Variants in TIAM1 observed in about 807,000 individuals in gnomAD.
TIAM1 encodes the protein TIAM Rac1 associated GEF 1.
Under a neutral mutation model 163.5 loss-of-function variants are expected in TIAM1, and 65 were observed. The observed-to-expected ratio is 0.40, with a 90% CI of 0.33 to 0.49. TIAM1 has a LOEUF of 0.49. TIAM1 is among the 20% of genes least tolerant of loss of function. The pLI, the probability that TIAM1 is intolerant of heterozygous loss-of-function variation, is 0.77. For missense variants in TIAM1, 1,789 were observed against 2,044.7 expected, an observed-to-expected ratio of 0.87 and a Z score of 2.41; for synonymous variants, 833 against 810.1, an observed-to-expected ratio of 1.03 and a Z score of -0.48.
At chr21:31,313,913 A>G (rs2075018729) in intron 2 of TIAM1, among the ~76,000 whole-genome samples, 1 of 152,208 alleles carries the variant, frequency 6.6e-6, no homozygotes, top group African/African-American at 2.4e-5. Context: ...TGCTTTTGAA[A>G]CAAGGCCAGA....
At chr21:31,311,863 A>T (rs1008781923) in intron 2 of TIAM1, among the ~76,000 whole-genome samples, 2 of 152,206 alleles carry the variant, frequency 1.3e-5, no homozygotes, top group African/African-American at 4.8e-5. Context: ...CCCACCCTCA[A>T]TCTGGGTGGG....
chr21:31,450,382 G>A (rs1180631531), intron 2 of TIAM1, among the ~76,000 whole-genome samples: 2 of 152,166 alleles, frequency 1.3e-5, no homozygotes, highest in African/African-American at 2.4e-5. Context: ...AGCTCCTCCT[G>A]TAGCTCTATT....
intron 16 of TIAM1, among the ~76,000 whole-genome samples, chr21:31,158,688 T>G (rs1365472374): frequency 6.6e-6 from 1 of 152,058 alleles, no homozygotes; most frequent in Non-Finnish European, 1.5e-5. Context: ...CCCCCCAAAT[T>G]TTTTTTGGAA....
chr21:31,495,958 T>C (rs2046625946), intron 1 of TIAM1, among the ~76,000 whole-genome samples: 1 of 150,086 alleles, frequency 6.7e-6, no homozygotes, highest in South Asian at 2.1e-4. Flanking sequence ...AGTGACAGAG[T>C]GAGGGTCTCA....
intron 1 of TIAM1, among the ~76,000 whole-genome samples, chr21:31,547,991 A>G (rs1448732960): frequency 1.3e-5 from 2 of 152,176 alleles, no homozygotes; most frequent in Non-Finnish European, 2.9e-5. Context: ...AGGAAGATAC[A>G]CTTTCTTAAT....
intron 2 of TIAM1, among the ~76,000 whole-genome samples, chr21:31,327,700 G>A (rs1205656388): frequency 6.9e-6 from 1 of 144,188 alleles, no homozygotes; most frequent in Non-Finnish European, 1.5e-5. Context: ...AAAAAGATTT[G>A]TGCCTAGAGA....
chr21:31,203,359 G>A (rs921260404), intron 11 of TIAM1, among the ~76,000 whole-genome samples: 2 of 152,218 alleles, frequency 1.3e-5, no homozygotes, highest in Non-Finnish European at 1.5e-5. Context: ...CTGACCTCAG[G>A]TGATTCACCC....
rs150841407 is a variant in TIAM1 at position 31,302,896 on chromosome 21, C to A, written c.-188-25988G>T. On this transcript the variant is annotated intron_variant, in intron 2 of 27. Transcript: ENST00000541036. Reference sequence around the variant, plus strand: ...TCTCCTGAAACAGCAATTGGGAGGCCCATTTTACTGGCCAATATATAATTC... The same window carrying A: ...TCTCCTGAAACAGCAATTGGGAGGCACATTTTACTGGCCAATATATAATTC... Among the ~76,000 whole-genome samples the A allele has an allele frequency of 2.4e-3, 365 of 152,242 alleles. 2 individuals carry two copies. In the East Asian group the frequency reaches 0.032, roughly 13 times the overall value.
At chr21:31,194,242 G>A (rs540911820) in intron 13 of TIAM1, among the ~76,000 whole-genome samples, 40 of 152,058 alleles carry the variant, frequency 2.6e-4, no homozygotes, top group Non-Finnish European at 5.4e-4. Context: ...CCAAGACAAC[G>A]AAGCCGCTTC....
rs187988380 is a variant in TIAM1 at position 31,480,832 on chromosome 21, C to T, written c.-421-16797G>A. 1.7e-4 allele frequency among the ~76,000 whole-genome samples: 26 copies of T among 152,330 alleles called. No homozygotes were observed. In the Middle Eastern group the frequency reaches 0.01, roughly 60 times the overall value. On this transcript the variant is annotated intron_variant, in intron 1 of 28. Transcript: ENST00000286827. ...GCACTGGCACAATCTTGGCTTACTG[C>T]AACCTCCGTCTCCCAGGTTCAGACA...
intron 2 of TIAM1, among the ~76,000 whole-genome samples, chr21:31,295,883 C>T (rs532577074): frequency 1.7e-4 from 26 of 152,200 alleles, no homozygotes; most frequent in Middle Eastern, 3.4e-3. Flanking sequence ...CTGCAAGCTC[C>T]GCCTCCCGAG....
intron 1 of TIAM1, among the ~76,000 whole-genome samples, chr21:31,538,703 T>C (rs1277932343): frequency 2.6e-5 from 4 of 152,234 alleles, no homozygotes; most frequent in Admixed American, 2.6e-4. Context: ...GACATGACAA[T>C]GTTTTCATTA....
chr21:31,154,097 A>C (rs969277925), intron 17 of TIAM1, 150 bp downstream of exon 17: 21 of 867,098 alleles, frequency 2.4e-5, no homozygotes, highest in African/African-American at 2.4e-4. Flanking sequence ...ACAAGCTTTT[A>C]ACATTCAGAG....
intron 18 of TIAM1, 127 bp from the exon 19 acceptor site, chr21:31,152,888 C>T (rs149439706): frequency 1.6e-5 from 22 of 1,403,142 alleles, no homozygotes; most frequent in East Asian, 9.5e-5. Flanking sequence ...TACCAGAGAG[C>T]GGGGCAGTTT....
chr21:31,475,227 A>G (rs1334529835), intron 1 of TIAM1, among the ~76,000 whole-genome samples: 1 of 151,600 alleles, frequency 6.6e-6, no homozygotes, highest in Non-Finnish European at 1.5e-5. Flanking sequence ...TGATTTTTGT[A>G]TTCCTTTGTA....
intron 19 of TIAM1, among the ~76,000 whole-genome samples, chr21:31,152,077 G>T (rs777237556): frequency 7.0e-6 from 1 of 143,604 alleles, no homozygotes; most frequent in African/African-American, 2.6e-5. Context: ...TTGTCCCCCA[G>T]ACTGGAGAGC....
intron 2 of TIAM1, among the ~76,000 whole-genome samples, chr21:31,392,716 G>T (rs1182446381): frequency 2.6e-5 from 4 of 151,922 alleles, no homozygotes; most frequent in South Asian, 2.1e-4. Flanking sequence ...TCAAGGCAAG[G>T]GCAGATCCCT....
chr21:31,180,310 A>G (rs1428536043), intron 15 of TIAM1, among the ~76,000 whole-genome samples: 1 of 152,222 alleles, frequency 6.6e-6, no homozygotes, highest in Non-Finnish European at 1.5e-5. Context: ...CATCAGGGAC[A>G]GCGAATTTGA....
At chr21:31,438,432 C>T (rs1412210055) in intron 2 of TIAM1, among the ~76,000 whole-genome samples, 1 of 151,704 alleles carries the variant, frequency 6.6e-6, no homozygotes, top group Non-Finnish European at 1.5e-5. Flanking sequence ...CCTCAAGTGA[C>T]CCACCCACCT....
Sources: gnomAD v4.1 joint callset for allele counts (sites outside exome capture counted in the v4.1 genomes callset) on GRCh38, gnomAD v4.1.1 for gene constraint, MANE v1.5 for transcripts, NCBI Gene and HGNC (gene_info 2026-07-23, HGNC 2026-07-21) for gene names.